The following MYBL2 variants were observed in gnomAD, a reference collection of about 807,000 sequenced individuals.
MYBL2 encodes the protein myb-related protein B.
A neutral mutation model predicts 79.9 loss-of-function variants in MYBL2; 28 were observed. That is an observed-to-expected ratio of 0.35 (90% CI 0.26 to 0.48). MYBL2 has a LOEUF of 0.48. Ranked by LOEUF, MYBL2 falls within the 20% of genes least tolerant of loss-of-function variation. The pLI is 0.99. For synonymous variants in MYBL2, 378 were observed against 361.2 expected (o/e 1.05, Z -0.53); for missense variants, 735 against 893.9 (o/e 0.82, Z 2.27).
chr20:43,682,906 C>A lies in MYBL2; in HGVS notation c.279+20C>A. 6.2e-7 allele frequency: 1 copy of A among 1,607,140 alleles called. No individual in the cohort carries two copies. The highest frequency in any genetic ancestry group is 8.5e-7 in the Non-Finnish European group (1 of 1,173,980). On this transcript the variant is annotated intron_variant, in intron 4 of 13. Transcript: ENST00000217026. ...CAAAAAGTAACTGCTGGGACAGTGC[C>A]TTGCACACAGTGGGTCTTCACCCAC...
rs150704861 is a variant in MYBL2 at position 43,681,809 on chromosome 20, G to A, written c.140G>A (p.Arg47Lys). The part of the protein sequence containing the change: ...EEDEQLRALV[R>K]QFGQQDWKFL... ...GACGAGCAGCTGAGGGCCCTGGTGA[G>A]GCAGTTTGGACAGCAGGACTGGAAG... The change falls in exon 3 of 14, where the codon AGG becomes AAG. Residue 47 changes from arginine (R) to lysine (K), a missense_variant. Physicochemically the swap from Arg to Lys is conservative, Grantham distance 26. This residue lies in a region of MYBL2 where 79 missense variants were observed against 86.7 expected (regional missense o/e 0.91). Transcript: ENST00000217026. 240 of 1,614,210 alleles carry A rather than the reference G, an allele frequency of 1.5e-4. 1 individual carries two copies. In the African/African-American group the frequency reaches 2.9e-3, roughly 19 times the overall value.
chr20:43,704,907 G>A (rs1987745816), intron 8 of MYBL2, among the ~76,000 whole-genome samples: 1 of 152,164 alleles, frequency 6.6e-6, no homozygotes. Context: ...TATTTCTTCT[G>A]AGAAGGAGCC....
intron 4 of MYBL2, among the ~76,000 whole-genome samples, chr20:43,683,949 G>A (rs181341725): frequency 7.8e-4 from 118 of 152,048 alleles, no homozygotes; most frequent in African/African-American, 2.7e-3. Context: ...GATTGATTGA[G>A]GCGGGGGTTC....
At chr20:43,697,455 T>G (rs960279737) in intron 6 of MYBL2, among the ~76,000 whole-genome samples, 3 of 148,710 alleles carry the variant, frequency 2.0e-5, no homozygotes, top group Non-Finnish European at 4.5e-5. Flanking sequence ...ACTAAAAATA[T>G]AAAAAATTAA....
intron 4 of MYBL2, among the ~76,000 whole-genome samples, chr20:43,683,822 GGAATTACAGACGTGAGC>G: frequency 6.6e-6 from 1 of 152,080 alleles, no homozygotes; most frequent in Non-Finnish European, 1.5e-5. Flanking sequence ...CCAAAGTGCT[GGAATTACAGACGTGAGC>G]CACCGTGCCT....
chr20:43,715,362 G>T (rs1205504911), intron 13 of MYBL2, 79 bp downstream of exon 13: 7 of 1,589,220 alleles, frequency 4.4e-6, no homozygotes, highest in Non-Finnish European at 6.0e-6. Flanking sequence ...CATCCCTGGG[G>T]GTCCTGCAGT....
At chr20:43,706,244 G>A (rs561312360) in intron 9 of MYBL2, among the ~76,000 whole-genome samples, 1 of 152,294 alleles carries the variant, frequency 6.6e-6, no homozygotes, top group African/African-American at 2.4e-5. Flanking sequence ...AGCCTTATGT[G>A]CAGGGCGAAA....
chr20:43,677,996 T>TG (rs1987051116), intron 2 of MYBL2, among the ~76,000 whole-genome samples: 1 of 152,246 alleles, frequency 6.6e-6, no homozygotes, highest in African/African-American at 2.4e-5. Flanking sequence ...TGTTGATCTA[T>TG]GATCTTACCC....
rs773544207 is a variant in MYBL2, at chr20:43,715,253, G to A, written c.1944G>A (p.Lys648=). The A allele has an allele frequency of 2.7e-5, 43 of 1,614,108 alleles. No homozygotes were observed. Among genetic ancestry groups the A allele is most frequent in the South Asian group, 2.5e-4 (23 of 91,086 alleles). ...CCGAGAAGGCAGCAGTGGCCCAGAA[G>A]CCCCGAAGCCACTTCACGACACCTG... is the stretch of plus-strand genomic sequence containing the variant. ...AKPEKAAVAQ[K]PRSHFTTPAP... Residue 648 remains lysine, a synonymous_variant, in exon 13 of 14, where the codon AAG becomes AAA. Coordinates refer to ENST00000217026, the MANE Select transcript of MYBL2 (RefSeq NM_002466.4).
At chr20:43,675,322 C>CT (rs35340291) in intron 2 of MYBL2, among the ~76,000 whole-genome samples, 1,735 of 142,750 alleles carry the variant, frequency 0.012, 23 homozygotes, top group African/African-American at 0.032. Flanking sequence ...AGTTTTTTTT[C>CT]TTTTTTTTTT....
At position 43,699,798 on chromosome 20, in the gene MYBL2, AAAG is replaced by A; in HGVS notation, c.706_708del (p.Lys236del). The A allele has an allele frequency of 6.2e-7, 1 of 1,614,090 alleles. No individual in the cohort carries two copies. Among genetic ancestry groups the A allele is most frequent in the African/African-American group, 1.3e-5 (1 of 74,998 alleles). Reference sequence around the variant, plus strand: ...ACTGGCCCTCCGTCCCTCCTACCATAAAGGAGGAGGAAAACAGTGAGGAGGAAC... The same window carrying A: ...ACTGGCCCTCCGTCCCTCCTACCATAGAGGAGGAAAACAGTGAGGAGGAAC... On this transcript the variant is annotated inframe_deletion, in exon 7 of 14. Transcript: ENST00000217026.
At chr20:43,688,096 A>AT (rs1987322602) in intron 5 of MYBL2, among the ~76,000 whole-genome samples, 1 of 150,428 alleles carries the variant, frequency 6.6e-6, no homozygotes, top group Non-Finnish European at 1.5e-5. Context: ...GTTTTGCTTC[A>AT]TTTTCTAGGA....
intron 11 of MYBL2, among the ~76,000 whole-genome samples, chr20:43,712,411 C>G (rs1372940610): frequency 6.6e-6 from 1 of 152,146 alleles, no homozygotes; most frequent in African/African-American, 2.4e-5. Flanking sequence ...CCAGGGTCCT[C>G]CCTGGCCTCT....
In MYBL2 at chr20:43,711,573, G is replaced by A; in HGVS notation, c.1691G>A (p.Arg564Lys). The stretch of plus-strand genomic sequence containing the variant: ...GAACTCATCATCGAGGACGACATCA[G>A]GCCCGAGAAGCAGAAGAGGAAGCCT... Reference protein sequence around the residue: ...GIELIIEDDIRPEKQKRKPGL... With the variant: ...GIELIIEDDIKPEKQKRKPGL... Residue 564 changes from arginine to lysine, a missense_variant, in exon 11 of 14, where the codon AGG becomes AAG. Physicochemically the swap from Arg to Lys is conservative, Grantham distance 26. This residue lies in a region of MYBL2 where 204 missense variants were observed against 202.9 expected (regional missense o/e 1.01). Coordinates refer to ENST00000217026, the MANE Select transcript of MYBL2 (RefSeq NM_002466.4). 6.2e-7 allele frequency: 1 copy of A among 1,613,626 alleles called. No homozygotes were observed. Among genetic ancestry groups the A allele is most frequent in the South Asian group, 1.1e-5 (1 of 90,968 alleles).
intron 8 of MYBL2, among the ~76,000 whole-genome samples, chr20:43,704,081 A>G (rs1159175785): frequency 6.6e-6 from 1 of 152,046 alleles, no homozygotes; most frequent in Non-Finnish European, 1.5e-5. Flanking sequence ...TGGCATGATC[A>G]CAGCTCACTG....
At chr20:43,713,721 G>A (rs1987964850) in intron 12 of MYBL2, among the ~76,000 whole-genome samples, 1 of 152,130 alleles carries the variant, frequency 6.6e-6, no homozygotes, top group Non-Finnish European at 1.5e-5. Context: ...CAGGCACTTG[G>A]GCACATTAGT....
intron 7 of MYBL2, 53 bp downstream of exon 7, chr20:43,700,097 T>G: frequency 6.3e-7 from 1 of 1,583,404 alleles, no homozygotes; most frequent in Admixed American, 1.7e-5. Context: ...CAGCAGGAAG[T>G]GCTTCTCTCT....
Position 43,715,301 on chromosome 20 carries a change from C to T in MYBL2, c.1974+18C>T. ...CTGCCCCTGTGAGTGCTGTGGCCATCTCTGGGGGTCCTGCAGTGCCCGCCT... is the reference window on the plus strand; with the variant it reads ...CTGCCCCTGTGAGTGCTGTGGCCATTTCTGGGGGTCCTGCAGTGCCCGCCT... On this transcript the variant is annotated intron_variant, in intron 13 of 13. Coordinates refer to ENST00000217026, the MANE Select transcript of MYBL2 (RefSeq NM_002466.4). 6.2e-7 allele frequency: 1 copy of T among 1,614,126 alleles called. No homozygotes were observed. Among genetic ancestry groups the T allele is most frequent in the East Asian group, 2.2e-5 (1 of 44,876 alleles).
chr20:43,669,482 T>A (rs117179979), intron 1 of MYBL2, among the ~76,000 whole-genome samples: 4,091 of 152,312 alleles, frequency 0.027, 70 homozygotes, highest in Non-Finnish European at 0.037. Context: ...TCCTCTGCCC[T>A]AGTGCCCCAC....
Sources: gnomAD v4.1 joint callset for allele counts (sites outside exome capture counted in the v4.1 genomes callset) on GRCh38, gnomAD v4.1.1 for gene constraint, gnomAD v4.1.1 regional missense constraint, MANE v1.5 for transcripts, NCBI Gene and HGNC (gene_info 2026-07-23, HGNC 2026-07-21) for gene names.